Variants in ZMIZ1 observed in about 807,000 individuals in gnomAD.
ZMIZ1 encodes the protein zinc finger MIZ domain-containing protein 1.
ZMIZ1 carries 17 observed loss-of-function variants against 113.9 expected under a neutral mutation model. That is an observed-to-expected ratio of 0.15 (90% CI 0.10 to 0.22). The LOEUF (loss-of-function observed/expected upper bound fraction) is 0.22, where lower values mean the gene tolerates loss of function less well. ZMIZ1 is among the 10% of genes least tolerant of loss of function. ZMIZ1 has a pLI of 1.00. For missense variants in ZMIZ1, 1,059 were observed against 1,477.8 expected, an observed-to-expected ratio of 0.72 and a Z score of 4.65; for synonymous variants, 607 against 603.1, an observed-to-expected ratio of 1.01 and a Z score of -0.09.
At chr10:79,250,699 G>A (rs888417460) in intron 7 of ZMIZ1, among the ~76,000 whole-genome samples, 13 of 152,228 alleles carry the variant, frequency 8.5e-5, no homozygotes, top group Non-Finnish European at 1.6e-4. Flanking sequence ...TGTGAGTCGA[G>A]CCATGTTGAG....
Position 79,313,715 on chromosome 10 carries a change from C to G in ZMIZ1, c.*966C>G. 3.6e-6 allele frequency: 1 copy of G among 281,266 alleles called. No individual in the cohort carries two copies. Among genetic ancestry groups the G allele is most frequent in the Non-Finnish European group, 7.0e-6 (1 of 142,048 alleles). 17.4% of individuals were successfully genotyped at this position (281,266 alleles called of 1,614,324 possible). A position where few individuals can be genotyped will look rare whatever the true frequency, so the allele number is the denominator to read the frequency against. ...TATGAAGTCACCTGGAGAAAAGGAA[C>G]GTTGCTCTTGGACAGCAAGCAAACC... On this transcript the variant is annotated 3_prime_UTR_variant, in exon 25 of 25. Coordinates refer to ENST00000334512, the MANE Select transcript of ZMIZ1 (RefSeq NM_020338.4).
At chr10:79,113,485 C>T (rs1765880) in intron 1 of ZMIZ1, among the ~76,000 whole-genome samples, 40,806 of 152,136 alleles carry the variant, frequency 0.27, 6,723 homozygotes, top group Non-Finnish European at 0.38. Flanking sequence ...TTCCCCTGGC[C>T]TGGCCTGAAT....
chr10:79,259,617 CTTT>C (rs376330346), intron 7 of ZMIZ1, among the ~76,000 whole-genome samples: 5 of 141,128 alleles, frequency 3.5e-5, no homozygotes, highest in Non-Finnish European at 1.6e-5. Context: ...CTATCACCTT[CTTT>C]TTTTTTTTTT....
chr10:79,122,596 C>T (rs7913234), intron 2 of ZMIZ1, among the ~76,000 whole-genome samples: 6,809 of 152,264 alleles, frequency 0.045, 175 homozygotes, highest in African/African-American at 0.054. Flanking sequence ...CCCCCAGCTC[C>T]TCCCTTCCAA....
intron 7 of ZMIZ1, among the ~76,000 whole-genome samples, chr10:79,276,686 T>G (rs966835755): frequency 2.0e-5 from 3 of 152,158 alleles, no homozygotes; most frequent in African/African-American, 7.2e-5. Flanking sequence ...ATTCCAAGAT[T>G]TTGTTCAAAC....
At chr10:79,200,904 C>CACACACACATACACACGT (rs1369220035) in intron 4 of ZMIZ1, among the ~76,000 whole-genome samples, 1 of 152,184 alleles carries the variant, frequency 6.6e-6, no homozygotes, top group African/African-American at 2.4e-5. Context: ...TGTATGAACA[C>CACACACACATACACACGT]ACACACACAT....
At chr10:79,194,150 T>C (rs952405028) in intron 4 of ZMIZ1, among the ~76,000 whole-genome samples, 1 of 152,220 alleles carries the variant, frequency 6.6e-6, no homozygotes, top group South Asian at 2.1e-4. Context: ...CAGATGTGCA[T>C]GGTGATTGAA....
intron 4 of ZMIZ1, among the ~76,000 whole-genome samples, chr10:79,167,067 C>G (rs934207087): frequency 1.3e-5 from 2 of 152,234 alleles, no homozygotes; most frequent in African/African-American, 4.8e-5. Flanking sequence ...GCCTGAGTTT[C>G]TATGGGCTGC....
In ZMIZ1 at chr10:79,175,583, C is replaced by CGTGTGTGT. The variant is rs757004699; in HGVS notation, c.-50+13490_-50+13497dup. ...GGACTTCTCTAATCTGTGCACTCTG[C>CGTGTGTGT]GTGTGTGTGTGTGTGTGTGTGTGTG... On this transcript the variant is annotated intron_variant, in intron 4 of 24. Transcript: ENST00000334512. Among the ~76,000 whole-genome samples, 213 of 125,366 alleles carry CGTGTGTGT rather than the reference C, an allele frequency of 1.7e-3. 4 individuals are homozygous for CGTGTGTGT. The highest frequency in any genetic ancestry group is 7.9e-3 in the Middle Eastern group (2 of 252). The allele number at this position is 125,366 out of a possible 152,430, so 82.2% of individuals were successfully genotyped here.
intron 1 of ZMIZ1, among the ~76,000 whole-genome samples, chr10:79,114,463 A>ATGTG (rs1167686090): frequency 9.6e-6 from 1 of 104,056 alleles, no homozygotes; most frequent in Non-Finnish European, 1.9e-5. Flanking sequence ...CTGGGTGTGT[A>ATGTG]TGTGTGTGTG....
chr10:79,252,840 C>T (rs997579852), intron 7 of ZMIZ1, among the ~76,000 whole-genome samples: 1 of 152,248 alleles, frequency 6.6e-6, no homozygotes, highest in Admixed American at 6.5e-5. Flanking sequence ...GCACTTAGTG[C>T]AGCCCTTGGT....
At chr10:79,116,862 C>A (rs538081061) in intron 1 of ZMIZ1, among the ~76,000 whole-genome samples, 7 of 152,360 alleles carry the variant, frequency 4.6e-5, no homozygotes, top group African/African-American at 1.7e-4. Context: ...GTCCTGACTT[C>A]CAGCCTGCTG....
intron 1 of ZMIZ1, among the ~76,000 whole-genome samples, chr10:79,072,749 T>C (rs1391690419): frequency 6.6e-6 from 1 of 152,238 alleles, no homozygotes; most frequent in African/African-American, 2.4e-5. Flanking sequence ...GCCCAGCCCC[T>C]GTCACTGCTG....
Position 79,312,644 on chromosome 10 carries a change from C to T in ZMIZ1, c.3099C>T (p.Leu1033=). Residue 1033 remains leucine (L), a splice_region_variant and synonymous_variant, in exon 25 of 25, where the codon CTC becomes CTT. Coordinates refer to ENST00000334512, the MANE Select transcript of ZMIZ1 (RefSeq NM_020338.4). ...CTTCATTACTCCTTCTTTTCCAGCTCCTTCCCGAACTCACAAATCCTGACG... is the reference window on the plus strand; with the variant it reads ...CTTCATTACTCCTTCTTTTCCAGCTTCTTCCCGAACTCACAAATCCTGACG... The part of the protein sequence containing the change: ...ASDMPEPSLD[L]LPELTNPDEL... 6.2e-7 allele frequency: 1 copy of T among 1,614,210 alleles called. No homozygotes were observed. Among genetic ancestry groups the T allele is most frequent in the Non-Finnish European group, 8.5e-7 (1 of 1,180,016 alleles).
chr10:79,069,821 G>T lies in ZMIZ1; in HGVS notation c.-337+551G>T, dbSNP rs1842193098. ...ACATACACTTTTGTAAATGGGAGGT[G>T]GGGGCGCGGTTAAGTTGTTTGTGTG... On this transcript the variant is annotated intron_variant, in intron 1 of 24. Transcript: ENST00000334512. The surrounding 1 kb of genome is among the most constrained non-coding windows in gnomAD (Gnocchi z 4.6). Among the ~76,000 whole-genome samples the T allele has an allele frequency of 6.6e-6, 1 of 152,136 alleles. No homozygotes were observed. Among genetic ancestry groups the T allele is most frequent in the Non-Finnish European group, 1.5e-5 (1 of 68,014 alleles).
intron 2 of ZMIZ1, among the ~76,000 whole-genome samples, chr10:79,126,180 G>A (rs927101670): frequency 2.6e-5 from 4 of 152,226 alleles, no homozygotes; most frequent in African/African-American, 4.8e-5. Flanking sequence ...CAGTGAGGCC[G>A]GGATTTGTAG....
intron 4 of ZMIZ1, among the ~76,000 whole-genome samples, chr10:79,172,501 T>C (rs536108517): frequency 2.6e-5 from 4 of 152,298 alleles, no homozygotes; most frequent in Admixed American, 6.5e-5. Context: ...AGTGACACCC[T>C]ATAAGGTAGG....
chr10:79,140,954 T>C lies in ZMIZ1; in HGVS notation c.-131+1177T>C, dbSNP rs75727022. On this transcript the variant is annotated intron_variant, in intron 3 of 24. Transcript: ENST00000334512. ...TGCACCGCCACGCCCAGCTGATTTT[T>C]AAATTTTTGTGGAGACGGGGTCTCA... Among the ~76,000 whole-genome samples the C allele has an allele frequency of 5.0e-3, 759 of 152,170 alleles. 7 individuals carry two copies. Among genetic ancestry groups the C allele is most frequent in the South Asian group, 0.027 (132 of 4,820 alleles).
At chr10:79,291,844 C>T (rs952313708) in intron 10 of ZMIZ1, among the ~76,000 whole-genome samples, 1 of 152,180 alleles carries the variant, frequency 6.6e-6, no homozygotes, top group Non-Finnish European at 1.5e-5. Context: ...CAGCTGCAGC[C>T]GCAGCTCCGC....
Sources: allele counts gnomAD v4.1 joint callset (sites outside exome capture counted in the v4.1 genomes callset), GRCh38; gene constraint gnomAD v4.1.1; non-coding constraint Gnocchi (gnomAD v3.1); transcripts MANE v1.5; gene names NCBI Gene and HGNC (gene_info 2026-07-23, HGNC 2026-07-21).